Variants in CGGBP1 observed in about 807,000 individuals in gnomAD.
The protein encoded by CGGBP1 is CGG triplet repeat binding protein 1.
A neutral mutation model predicts 11.4 loss-of-function variants in CGGBP1; 4 were observed. The observed-to-expected ratio is 0.35, with a 90% CI of 0.17 to 0.80. The LOEUF (loss-of-function observed/expected upper bound fraction) is 0.80. CGGBP1 is among the 30% of genes least tolerant of loss of function. The pLI, the probability that CGGBP1 is intolerant of heterozygous loss-of-function variation, is 0.52. For synonymous variants in CGGBP1, 76 were observed against 74.1 expected (o/e 1.03, Z -0.13); for missense variants, 135 against 202.1 (o/e 0.67, Z 2.01).
rs536037571 is a variant in CGGBP1 at position 88,120,868 on chromosome 3, T to C, written c.-229+20102A>G. 1.6e-3 allele frequency among the ~76,000 whole-genome samples: 237 copies of C among 152,218 alleles called. 1 individual carries two copies. Among genetic ancestry groups the C allele is most frequent in the Middle Eastern group, 0.014 (4 of 294 alleles). On this transcript the variant is annotated intron_variant, in intron 2 of 3. Transcript: ENST00000462901. ...TCAAAATTACTGTATCACAGTGATA[T>C]AGTAATTCAAAGTCTGATTTTAGGT...
At chr3:88,063,312 C>T (rs1706993960), upstream of CGGBP1, among the ~76,000 whole-genome samples, 1 of 152,002 alleles carries the variant, frequency 6.6e-6, no homozygotes, top group African/African-American at 2.4e-5. Flanking sequence ...TGCGTAATGC[C>T]GATATAAATG....
chr3:88,064,368 A>ATACCCCGTTTTTG (rs1211250193), intron 2 of CGGBP1, among the ~76,000 whole-genome samples: 3 of 152,112 alleles, frequency 2.0e-5, no homozygotes, highest in African/African-American at 7.2e-5. Flanking sequence ...CACTTTGATT[A>ATACCCCGTTTTTG]TACCCCGTTT....
chr3:88,090,846 G>C (rs941587750), intron 2 of CGGBP1, among the ~76,000 whole-genome samples: 1 of 152,120 alleles, frequency 6.6e-6, no homozygotes, highest in African/African-American at 2.4e-5. Context: ...TAACACTGAC[G>C]ACATCTGATA....
At chr3:88,059,270 G>A (rs1456655461), upstream of CGGBP1, 4 of 1,526,696 alleles carry the variant, frequency 2.6e-6, no homozygotes, top group South Asian at 1.2e-5. Flanking sequence ...AGGCATCTAC[G>A]GCGGCGGCGG....
chr3:88,131,030 G>A (rs1343417933), intron 2 of CGGBP1, among the ~76,000 whole-genome samples: 1 of 152,092 alleles, frequency 6.6e-6, no homozygotes, highest in Non-Finnish European at 1.5e-5. Flanking sequence ...TAAGTAATAT[G>A]TCAATAGGCA....
intron 2 of CGGBP1, among the ~76,000 whole-genome samples, chr3:88,085,655 A>G (rs1420721715): frequency 2.6e-5 from 4 of 152,300 alleles, no homozygotes; most frequent in Non-Finnish European, 4.4e-5. Flanking sequence ...TCTCCATTTT[A>G]TGGTAAGGAA....
chr3:88,065,814 T>C (rs1236581574), intron 2 of CGGBP1, among the ~76,000 whole-genome samples: 1 of 152,164 alleles, frequency 6.6e-6, no homozygotes, highest in African/African-American at 2.4e-5. Context: ...GCAACCTCCC[T>C]GTCCGGGGCT....
chr3:88,060,215 TC>T (rs1223280294), upstream of CGGBP1, among the ~76,000 whole-genome samples: 2 of 152,170 alleles, frequency 1.3e-5, no homozygotes, highest in African/African-American at 4.8e-5. Context: ...CCGGTTAACA[TC>T]ACCAACCCCC....
rs1375861833 is a variant in CGGBP1 at position 88,078,012 on chromosome 3, A to G, written c.-228-19789T>C. On this transcript the variant is annotated intron_variant, in intron 2 of 3. Transcript: ENST00000462901. ...GAATTCCTTTGTGAAATGTTGTGAA[A>G]TTTCTTTGTATTTAATATAAAACAT... Among the ~76,000 whole-genome samples, 3 of 152,260 alleles carry G rather than the reference A, an allele frequency of 2.0e-5. No individual in the cohort carries two copies. In the East Asian group the frequency reaches 5.8e-4, roughly 29 times the overall value.
At chr3:88,071,890 C>T (rs1371638913) in intron 2 of CGGBP1, among the ~76,000 whole-genome samples, 1 of 152,190 alleles carries the variant, frequency 6.6e-6, no homozygotes, top group Non-Finnish European at 1.5e-5. Context: ...TATCTTCTCT[C>T]TTATATTTTG....
intron 2 of CGGBP1, among the ~76,000 whole-genome samples, chr3:88,089,275 A>G (rs1708512797): frequency 6.6e-6 from 1 of 150,660 alleles, no homozygotes; most frequent in African/African-American, 2.4e-5. Context: ...GTGGATCACA[A>G]GGTCAAGAGA....
At chr3:88,136,881 T>C (rs1038756287) in intron 2 of CGGBP1, among the ~76,000 whole-genome samples, 10 of 152,118 alleles carry the variant, frequency 6.6e-5, no homozygotes, top group Non-Finnish European at 1.0e-4. Flanking sequence ...TCTGTATACA[T>C]GATAATTTTA....
chr3:88,067,993 A>T (rs1166935611), intron 2 of CGGBP1, among the ~76,000 whole-genome samples: 1 of 152,050 alleles, frequency 6.6e-6, no homozygotes, highest in Non-Finnish European at 1.5e-5. Context: ...GATTATCTAT[A>T]TTATAAGACC....
At position 88,052,555 on chromosome 3, in the gene CGGBP1, T is replaced by C. The variant is rs1477774864; in HGVS notation, c.*2918A>G. 6.6e-6 allele frequency: 1 copy of C among 152,628 alleles called. No homozygotes were observed. Among genetic ancestry groups the C allele is most frequent in the African/African-American group, 2.4e-5 (1 of 41,462 alleles). The allele number at this position is 152,628 out of a possible 1,614,324, so 9.5% of individuals were successfully genotyped here. A position where few individuals can be genotyped will look rare whatever the true frequency, so the allele number is the denominator to read the frequency against. ...AAAGTTTTAACGTGGAAGTTTCAGCTTGGAGATCTTGCCAACTGTACTTAC... is the reference window on the plus strand; with the variant it reads ...AAAGTTTTAACGTGGAAGTTTCAGCCTGGAGATCTTGCCAACTGTACTTAC... On this transcript the variant is annotated 3_prime_UTR_variant, in exon 4 of 4. Transcript: ENST00000482016.
intron 1 of CGGBP1, among the ~76,000 whole-genome samples, chr3:88,145,993 G>A (rs1707306409): frequency 6.6e-6 from 1 of 152,214 alleles, no homozygotes; most frequent in Non-Finnish European, 1.5e-5. Flanking sequence ...TAGACCATGA[G>A]TGGATCTAAT....
At chr3:88,113,316 A>T in intron 2 of CGGBP1, 1 of 554,334 alleles carries the variant, frequency 1.8e-6, no homozygotes, top group Non-Finnish European at 3.0e-6. Context: ...CTAAGGTGAC[A>T]GTGTTTAAGA....
chr3:88,082,347 G>A (rs144202321), intron 2 of CGGBP1, among the ~76,000 whole-genome samples: 6,406 of 152,198 alleles, frequency 0.042, 173 homozygotes, highest in Middle Eastern at 0.082. Flanking sequence ...GGATGGTCTC[G>A]ATCTCTTGAC....
intron 2 of CGGBP1, among the ~76,000 whole-genome samples, chr3:88,118,455 A>G (rs970641006): frequency 6.6e-6 from 1 of 152,122 alleles, no homozygotes; most frequent in Non-Finnish European, 1.5e-5. Flanking sequence ...GCAAGTGTTG[A>G]TCTCCCCTAA....
intron 3 of CGGBP1, 45 bp from the exon 4 acceptor site, chr3:88,056,044 C>A: frequency 3.5e-6 from 5 of 1,413,888 alleles, no homozygotes; most frequent in Non-Finnish European, 2.9e-6. Flanking sequence ...AACAACAGTT[C>A]ATTCTGGAAG....
Sources: allele counts gnomAD v4.1 joint callset (sites outside exome capture counted in the v4.1 genomes callset), GRCh38; gene constraint gnomAD v4.1.1; transcripts MANE v1.5; gene names NCBI Gene and HGNC (gene_info 2026-07-23, HGNC 2026-07-21).